Variants in DNAH1 observed in about 807,000 individuals in gnomAD.
DNAH1 encodes the protein axonemal beta dynein heavy chain 1.
In DNAH1, 327 loss-of-function variants were observed where a neutral mutation model predicts 484.3. The observed-to-expected ratio is 0.68, with a 90% CI of 0.62 to 0.74. DNAH1 has a LOEUF of 0.74. Among genes scored for constraint, DNAH1 ranks in the 30% least tolerant of loss-of-function variants. The pLI is 0.00. For missense variants in DNAH1, 5,052 were observed against 5,546.8 expected (o/e 0.91, Z 2.83); for synonymous variants, 2,192 against 2,191.9 (o/e 1.00, Z 0.00).
Position 52,353,378 on chromosome 3 carries a change from A to G in DNAH1, c.3227-2A>G. ...CTCATGCGTTTCTGTCTTACCCGGCAGCCTGCCAGGAAGTGGCCTTGGACA... is the reference window on the plus strand; with the variant it reads ...CTCATGCGTTTCTGTCTTACCCGGCGGCCTGCCAGGAAGTGGCCTTGGACA... On this transcript the variant is annotated splice_acceptor_variant, in intron 19 of 77. Coordinates refer to ENST00000420323, the MANE Select transcript of DNAH1 (RefSeq NM_015512.5). LOFTEE classifies it high-confidence loss of function. This position sits in a 1 kb window ranked among gnomAD's most constrained non-coding sequence, Gnocchi z 5.0. 1.9e-6 allele frequency: 3 copies of G among 1,609,346 alleles called. No homozygotes were observed. The highest frequency in any genetic ancestry group is 1.1e-5 in the South Asian group (1 of 90,828).
At position 52,386,659 on chromosome 3, in the gene DNAH1, C is replaced by T. The variant is rs921703364; in HGVS notation, c.8812-3C>T. 1.3e-6 allele frequency: 2 copies of T among 1,565,212 alleles called. No homozygotes were observed. The highest frequency in any genetic ancestry group is 1.4e-5 in the African/African-American group (1 of 73,610). ...CTTCCCCACTTGGTGGCTGGGCCTGCAGGTACGTGCCATGCAGCGGCCACC... is the reference window on the plus strand; with the variant it reads ...CTTCCCCACTTGGTGGCTGGGCCTGTAGGTACGTGCCATGCAGCGGCCACC... On this transcript the variant is annotated splice_region_variant and splice_polypyrimidine_tract_variant and intron_variant, in intron 55 of 77. Transcript: ENST00000420323.
upstream of DNAH1, among the ~76,000 whole-genome samples, chr3:52,314,343 T>TC (rs1046368027): frequency 6.6e-6 from 1 of 151,976 alleles, no homozygotes; most frequent in South Asian, 2.1e-4. Flanking sequence ...CCAACAGGCA[T>TC]CCCCCCCTTG....
In DNAH1 at chr3:52,388,165, AG is replaced by A. The variant is rs1462643624; in HGVS notation, c.9004del. The A allele has an allele frequency of 1.9e-6, 3 of 1,607,644 alleles. No individual in the cohort carries two copies. The East Asian group carries it at 6.7e-5, about 36-fold the overall frequency. On this transcript the variant is annotated splice_acceptor_variant, in intron 56 of 77. Coordinates refer to ENST00000420323, the MANE Select transcript of DNAH1 (RefSeq NM_015512.5). LOFTEE classifies it high-confidence loss of function. ...TCTTGAGACCCAGGCTTCCCACCTC[AG>A]GACAACATTGGGGATGTGGTGATCA...
At chr3:52,377,760 C>T (rs1357309574) in intron 46 of DNAH1, among the ~76,000 whole-genome samples, 1 of 152,094 alleles carries the variant, frequency 6.6e-6, no homozygotes, top group Non-Finnish European at 1.5e-5. Flanking sequence ...CTTGACCCCC[C>T]TTCCTCAGTG....
At chr3:52,320,360 G>A (rs61150019) in intron 1 of DNAH1, among the ~76,000 whole-genome samples, 28,972 of 152,226 alleles carry the variant, frequency 0.19, 3,300 homozygotes, top group African/African-American at 0.31. Context: ...GCAGAGTCCC[G>A]CTAGGGGAGG....
intron 44 of DNAH1, chr3:52,374,269 AC>A (rs1703485995): frequency 2.0e-6 from 3 of 1,517,218 alleles, no homozygotes; most frequent in Admixed American, 1.7e-5. Context: ...GATTTGCCTT[AC>A]CACTAAAAGA....
intron 44 of DNAH1, chr3:52,374,405 A>G (rs1447447120): frequency 3.0e-6 from 4 of 1,321,634 alleles, no homozygotes; most frequent in Admixed American, 3.4e-5. Context: ...GCACCCCCAC[A>G]GAACCAGTGG....
chr3:52,319,826 G>A (rs1279685451), intron 1 of DNAH1, among the ~76,000 whole-genome samples: 1 of 152,210 alleles, frequency 6.6e-6, no homozygotes, highest in Non-Finnish European at 1.5e-5. Context: ...GGATGGAGGG[G>A]AAACAGGTTC....
chr3:52,393,742 T>C (rs568737764), intron 66 of DNAH1, among the ~76,000 whole-genome samples: 1 of 152,166 alleles, frequency 6.6e-6, no homozygotes, highest in East Asian at 1.9e-4. Context: ...CTACTAAAAA[T>C]ACAAAAATTA....
At chr3:52,370,450 G>A (rs200865048) in intron 39 of DNAH1, 27 bp from the exon 40 acceptor site, 178 of 1,613,820 alleles carry the variant, frequency 1.1e-4, no homozygotes, top group Non-Finnish European at 2.5e-5. Flanking sequence ...TCCTGTCTCA[G>A]CCTGATACTG....
At chr3:52,328,055 C>T (rs1298402234) in intron 6 of DNAH1, 41 bp downstream of exon 6, 5 of 1,598,512 alleles carry the variant, frequency 3.1e-6, no homozygotes, top group Non-Finnish European at 3.4e-6. Flanking sequence ...TATCTCATTC[C>T]AGTAGCAGCC....
chr3:52,349,420 C>T lies in DNAH1; in HGVS notation c.2526C>T (p.Ser842=), dbSNP rs779492998. 12 of 1,613,098 alleles carry T rather than the reference C, an allele frequency of 7.4e-6. No homozygotes were observed. The highest frequency in any genetic ancestry group is 6.7e-5 in the East Asian group (3 of 44,892). Residue 842 remains serine, a splice_region_variant and synonymous_variant, in exon 14 of 78, where the codon AGC becomes AGT. Coordinates refer to ENST00000420323, the MANE Select transcript of DNAH1 (RefSeq NM_015512.5). ...LAKNLHKEVD[S]ICEEFRSISR... is the part of the protein sequence containing the mutation. ...AGAACCTGCATAAGGAGGTGGATAGCGTAAGTGCCCACCTGCCCCGCCTCA... is the reference window on the plus strand; with the variant it reads ...AGAACCTGCATAAGGAGGTGGATAGTGTAAGTGCCCACCTGCCCCGCCTCA...
At chr3:52,384,658 A>G (rs963352683) in intron 52 of DNAH1, 128 bp from the exon 53 acceptor site, 11 of 939,442 alleles carry the variant, frequency 1.2e-5, no homozygotes, top group Non-Finnish European at 1.6e-5. Context: ...TCATAGAGTG[A>G]ATGTGAGAGG....
intron 1 of DNAH1, among the ~76,000 whole-genome samples, chr3:52,319,133 T>G (rs1453900154): frequency 6.6e-6 from 1 of 152,258 alleles, no homozygotes; most frequent in African/African-American, 2.4e-5. Flanking sequence ...TTTACTTTCC[T>G]GGGCCCTAGT....
chr3:52,350,578 A>C lies in DNAH1; in HGVS notation c.2717A>C (p.Asp906Ala). 1 of 1,613,740 alleles carries C rather than the reference A, an allele frequency of 6.2e-7. No individual in the cohort carries two copies. The highest frequency in any genetic ancestry group is 8.5e-7 in the Non-Finnish European group (1 of 1,179,760). ...DEFLYNLSSD[D>A]FNDKWIASNW... ...TTCCTCTACAACCTCAGCTCAGATG[A>C]CTTCAATGACAAGTGAGTGGGAGCT... The change falls in exon 16 of 78, where the codon GAC (aspartate) becomes GCC (alanine). Residue 906 changes from aspartate to alanine, a missense_variant. Around this residue, in one of 4 missense-constraint regions of DNAH1, gnomAD observed 1,263 missense variants for 1,218.8 expected, o/e 1.04. Transcript: ENST00000420323.
rs1283218682 is a variant in DNAH1 at position 52,382,317 on chromosome 3, C to T, written c.7806-3C>T. Reference sequence around the variant, plus strand: ...ATGCTTCAACCCAAACTTCTGCCTCCAGGGCCGAGTACGAGTGCTTCCAGA... The same window carrying T: ...ATGCTTCAACCCAAACTTCTGCCTCTAGGGCCGAGTACGAGTGCTTCCAGA... On this transcript the variant is annotated splice_polypyrimidine_tract_variant and splice_region_variant and intron_variant, in intron 49 of 77. Transcript: ENST00000420323. 6.2e-7 allele frequency: 1 copy of T among 1,613,986 alleles called. No individual in the cohort carries two copies. The highest frequency in any genetic ancestry group is 8.5e-7 in the Non-Finnish European group (1 of 1,179,880).
rs369563162 is a variant in DNAH1, at chr3:52,396,439, C to T, written c.11331C>T (p.Asn3777=). Residue 3777 remains asparagine (N), a synonymous_variant, in exon 71 of 78, where the codon AAC becomes AAT. Transcript: ENST00000420323. ...SNKFPVSILQ[N]GSKMTIEPPR... is the part of the protein sequence containing the mutation. ...AGTTCCCAGTGTCCATCCTGCAGAA[C>T]GGCTCCAAGATGACCATTGAGCCGC... The T allele has an allele frequency of 3.1e-5, 50 of 1,593,520 alleles. No homozygotes were observed. In the Middle Eastern group the frequency reaches 6.6e-4, roughly 21 times the overall value.
At chr3:52,324,698 T>G (rs1376621581) in intron 3 of DNAH1, among the ~76,000 whole-genome samples, 2 of 152,170 alleles carry the variant, frequency 1.3e-5, no homozygotes, top group Non-Finnish European at 2.9e-5. Context: ...TGGCCTATTG[T>G]TTCCAACAGT....
chr3:52,357,672 T>G lies in DNAH1; in HGVS notation c.3917T>G (p.Ile1306Ser). 1 of 1,596,316 alleles carries G rather than the reference T, an allele frequency of 6.3e-7. No homozygotes were observed. Among genetic ancestry groups the G allele is most frequent in the Non-Finnish European group, 8.5e-7 (1 of 1,171,042 alleles). ...MLDSLRDCNKILDLVQKGLSE... is the reference protein window; with the variant it reads ...MLDSLRDCNKSLDLVQKGLSE... ...GACAGCCTGCGGGACTGCAACAAGA[T>G]TCTGGACCTGGTGCAGAAGGGCCTC... Residue 1306 changes from isoleucine to serine, a missense_variant, in exon 23 of 78, where the codon ATT becomes AGT. Ile to Ser is a moderately radical substitution (Grantham distance 142). Transcript: ENST00000420323.
Sources: gnomAD v4.1 joint callset for allele counts (sites outside exome capture counted in the v4.1 genomes callset) on GRCh38, gnomAD v4.1.1 for gene constraint, gnomAD v4.1.1 regional missense constraint, Gnocchi (gnomAD v3.1) non-coding constraint, MANE v1.5 for transcripts, NCBI Gene and HGNC (gene_info 2026-07-23, HGNC 2026-07-21) for gene names.